Variants in CTNND2 observed in about 807,000 individuals in gnomAD.
CTNND2 encodes the protein catenin delta 2.
A neutral mutation model predicts 144.4 loss-of-function variants in CTNND2; 22 were observed. The observed-to-expected ratio is 0.15, with a 90% confidence interval of 0.11 to 0.22. The LOEUF (loss-of-function observed/expected upper bound fraction) is 0.22, where lower values mean the gene tolerates loss of function less well. Among genes scored for constraint, CTNND2 ranks in the 10% least tolerant of loss-of-function variants. The pLI, the probability that CTNND2 is intolerant of heterozygous loss-of-function variation, is 1.00. For missense variants in CTNND2, 1,353 were observed against 1,618.8 expected, an observed-to-expected ratio of 0.84 and a Z score of 2.82; for synonymous variants, 751 against 695.6, an observed-to-expected ratio of 1.08 and a Z score of -1.25.
At chr5:11,686,850 T>A (rs1021582761) in intron 2 of CTNND2, among the ~76,000 whole-genome samples, 8 of 148,408 alleles carry the variant, frequency 5.4e-5, no homozygotes, top group African/African-American at 1.7e-4. Context: ...TATATTATAC[T>A]ATAAACATAT....
At chr5:11,036,893 A>G (rs1744138225) in intron 16 of CTNND2, among the ~76,000 whole-genome samples, 1 of 152,178 alleles carries the variant, frequency 6.6e-6, no homozygotes, top group African/African-American at 2.4e-5. Context: ...CAAGAATCCA[A>G]TACAAAAAGA....
intron 9 of CTNND2, among the ~76,000 whole-genome samples, chr5:11,301,534 A>AGT (rs1749609714): frequency 6.6e-6 from 1 of 152,206 alleles, no homozygotes; most frequent in African/African-American, 2.4e-5. Context: ...AACTTCATCA[A>AGT]GCTTTACAAT....
chr5:11,903,885 G>A lies in CTNND2; in HGVS notation c.-32C>T. The A allele has an allele frequency of 2.8e-6, 4 of 1,431,396 alleles. No individual in the cohort carries two copies. Among genetic ancestry groups the A allele is most frequent in the Non-Finnish European group, 3.6e-6 (4 of 1,100,020 alleles). 88.7% of individuals were successfully genotyped at this position (1,431,396 alleles called of 1,614,324 possible). A position where few individuals can be genotyped will look rare whatever the true frequency, so the allele number is the denominator to read the frequency against. ...TCCGCCGGCGACAGCTCCTCAGTCC[G>A]GGAAGAGGCGTGCGCGGCGCCGCCC... On this transcript the variant is annotated 5_prime_UTR_variant, in exon 1 of 22. Coordinates refer to ENST00000304623, the MANE Select transcript of CTNND2 (RefSeq NM_001332.4). This position sits in a 1 kb window ranked among gnomAD's most constrained non-coding sequence, Gnocchi z 5.4.
At chr5:10,984,320 C>A (rs868227986) in intron 20 of CTNND2, among the ~76,000 whole-genome samples, 1 of 152,256 alleles carries the variant, frequency 6.6e-6, no homozygotes, top group Middle Eastern at 3.4e-3. Flanking sequence ...AATGGGTAAA[C>A]CTTAGATAGA....
intron 10 of CTNND2, among the ~76,000 whole-genome samples, chr5:11,225,452 C>A (rs1352646289): frequency 6.6e-6 from 1 of 152,174 alleles, no homozygotes; most frequent in Non-Finnish European, 1.5e-5. Context: ...TTGACACTAC[C>A]CAGTGAATTT....
chr5:11,022,719 T>G (rs780484490), intron 17 of CTNND2, 50 bp downstream of exon 17: 35 of 1,483,836 alleles, frequency 2.4e-5, no homozygotes, highest in Non-Finnish European at 3.0e-5. Context: ...AAAGGCACAT[T>G]CAGAACCAAT....
chr5:11,344,622 T>C (rs887945106), intron 9 of CTNND2, among the ~76,000 whole-genome samples: 3 of 152,180 alleles, frequency 2.0e-5, no homozygotes, highest in Non-Finnish European at 2.9e-5. Context: ...ATAATTCATA[T>C]AGCACTAATC....
rs535706605 is a variant in CTNND2 at position 11,883,822 on chromosome 5, C to T, written c.37+19995G>A. Among the ~76,000 whole-genome samples, 7 of 152,340 alleles carry T rather than the reference C, an allele frequency of 4.6e-5. No individual in the cohort carries two copies. The South Asian group carries it at 6.2e-4, about 14-fold the overall frequency. ...ACAGTGTAAAAGCATTCCTATTTCT[C>T]CACATCCTCTCCAGCATCTGTTGTT... is the stretch of plus-strand genomic sequence containing the variant. On this transcript the variant is annotated intron_variant, in intron 1 of 21. Transcript: ENST00000304623.
At position 11,300,456 on chromosome 5, in the gene CTNND2, G is replaced by A. The variant is rs1185589872; in HGVS notation, c.1628+45916C>T. On this transcript the variant is annotated intron_variant, in intron 9 of 21. Coordinates refer to ENST00000304623, the MANE Select transcript of CTNND2 (RefSeq NM_001332.4). ...AGTCGGGTCCAGCTTCCTTGTCAGGGCTCCTTGTCCCCCAGATGTTCTGCC... is the reference window on the plus strand; with the variant it reads ...AGTCGGGTCCAGCTTCCTTGTCAGGACTCCTTGTCCCCCAGATGTTCTGCC... Among the ~76,000 whole-genome samples, 3 of 152,020 alleles carry A rather than the reference G, an allele frequency of 2.0e-5. No homozygotes were observed. The East Asian group carries it at 5.8e-4, about 29-fold the overall frequency.
intron 11 of CTNND2, among the ~76,000 whole-genome samples, chr5:11,167,697 T>TA: frequency 7.7e-6 from 1 of 129,134 alleles, no homozygotes; most frequent in East Asian, 2.6e-4. Context: ...TCATATTCAC[T>TA]TTTTTTTTTT....
chr5:11,424,457 G>GCATA (rs1206711235), intron 3 of CTNND2, among the ~76,000 whole-genome samples: 2 of 146,082 alleles, frequency 1.4e-5, no homozygotes, highest in East Asian at 3.9e-4. Flanking sequence ...AACTAAACAC[G>GCATA]CATACACACA....
intron 3 of CTNND2, among the ~76,000 whole-genome samples, chr5:11,477,249 T>A (rs1767832253): frequency 6.6e-6 from 1 of 152,220 alleles, no homozygotes; most frequent in Admixed American, 6.5e-5. Context: ...TGGCCTATTC[T>A]TAGAAAAGCA....
At chr5:11,264,985 CA>C (rs1157650549) in intron 9 of CTNND2, among the ~76,000 whole-genome samples, 1 of 151,812 alleles carries the variant, frequency 6.6e-6, no homozygotes, top group Non-Finnish European at 1.5e-5. Flanking sequence ...ATTATCTTGG[CA>C]AAAGAACTAG....
chr5:11,424,030 C>T (rs754854185), intron 3 of CTNND2, among the ~76,000 whole-genome samples: 1 of 152,076 alleles, frequency 6.6e-6, no homozygotes, highest in African/African-American at 2.4e-5. Flanking sequence ...TCCTTAAGAG[C>T]AATACTGGCC....
At chr5:11,224,807 T>C (rs1396881077) in intron 10 of CTNND2, among the ~76,000 whole-genome samples, 1 of 152,236 alleles carries the variant, frequency 6.6e-6, no homozygotes, top group African/African-American at 2.4e-5. Context: ...TTCCTAATTA[T>C]GGATTACATG....
chr5:11,879,339 G>GTATATATATATATATATATATACATATA (rs368634452), intron 1 of CTNND2, among the ~76,000 whole-genome samples: 1 of 100,962 alleles, frequency 9.9e-6, no homozygotes, highest in Non-Finnish European at 2.2e-5. Flanking sequence ...AATTAAATGT[G>GTATATATATATATATATATATACATATA]TGTATATATA....
intron 2 of CTNND2, among the ~76,000 whole-genome samples, chr5:11,593,056 A>G (rs1291852729): frequency 6.6e-6 from 1 of 152,116 alleles, no homozygotes; most frequent in East Asian, 1.9e-4. Flanking sequence ...CAGTTGCGAA[A>G]AAATAAAAAA....
chr5:11,719,473 A>C (rs908906035), intron 2 of CTNND2, among the ~76,000 whole-genome samples: 1 of 152,170 alleles, frequency 6.6e-6, no homozygotes, highest in African/African-American at 2.4e-5. Flanking sequence ...GCTACATAAT[A>C]AATTGTCTGT....
intron 8 of CTNND2, among the ~76,000 whole-genome samples, chr5:11,354,820 A>G (rs1363940): frequency 0.32 from 49,188 of 152,028 alleles, 8,178 homozygotes; most frequent in South Asian, 0.41. Flanking sequence ...ACTGCACATG[A>G]AACATTCTCC....
Sources: allele counts gnomAD v4.1 joint callset (sites outside exome capture counted in the v4.1 genomes callset), GRCh38; gene constraint gnomAD v4.1.1; non-coding constraint Gnocchi (gnomAD v3.1); transcripts MANE v1.5; gene names NCBI Gene and HGNC (gene_info 2026-07-23, HGNC 2026-07-21).